Variants in DMD observed in about 807,000 individuals in gnomAD.
DMD encodes dystrophin.
Under a neutral mutation model 330.1 loss-of-function variants are expected in DMD, and 63 were observed. The observed-to-expected ratio is 0.19, with a 90% CI of 0.16 to 0.24. The LOEUF (loss-of-function observed/expected upper bound fraction) is 0.24, where lower values mean the gene tolerates loss of function less well. DMD is among the 10% of genes least tolerant of loss of function. The probability of loss-of-function intolerance (pLI) is 1.00; values close to 1 mark genes in which losing one functional copy is unlikely to be tolerated. For synonymous variants in DMD, 1,223 were observed against 959.8 expected (o/e 1.27, Z -5.07); for missense variants, 3,344 against 2,684.1 (o/e 1.25, Z -5.43).
intron 7 of DMD, among the ~76,000 whole-genome samples, chrX:32,787,247 TGAGAGAGAGAGA>T (rs1214278194): frequency 2.6e-5 from 2 of 77,570 alleles, no homozygotes; most frequent in Non-Finnish European, 5.1e-5. Context: ...TGTGTGTGTG[TGAGAGAGAGAGA>T]GAGAGAGAGA....
At chrX:33,036,314 T>C (rs899361422) in intron 1 of DMD, among the ~76,000 whole-genome samples, 1 of 111,993 alleles carries the variant, frequency 8.9e-6, no homozygotes, top group Non-Finnish European at 1.9e-5. Flanking sequence ...CTTGCATAAT[T>C]GTAATTGCAT....
At chrX:31,696,366 GA>G (rs1374455491) in intron 52 of DMD, among the ~76,000 whole-genome samples, 1 of 111,727 alleles carries the variant, frequency 9.0e-6, no homozygotes, top group African/African-American at 3.2e-5. Context: ...TTGTTGGGGG[GA>G]AAAATACAGC....
chrX:33,332,920 T>C (rs2148965714), intron 1 of DMD, among the ~76,000 whole-genome samples: 1 of 111,204 alleles, frequency 9.0e-6, no homozygotes, highest in East Asian at 2.8e-4. Context: ...AAAAAGAACA[T>C]CTTGGAAGGC....
intron 51 of DMD, among the ~76,000 whole-genome samples, chrX:31,762,283 A>C (rs2089654433): frequency 9.0e-6 from 1 of 111,487 alleles, no homozygotes; most frequent in South Asian, 3.8e-4. Context: ...ACAGGAAAAA[A>C]AGTCTTGCTG....
At chrX:31,371,057 G>A (rs1378847308) in intron 60 of DMD, among the ~76,000 whole-genome samples, 1 of 111,525 alleles carries the variant, frequency 9.0e-6, no homozygotes, top group African/African-American at 3.3e-5. Flanking sequence ...GCTATAAAAG[G>A]CCAATAGGAG....
chrX:32,291,738 T>A (rs1180273970), intron 42 of DMD, among the ~76,000 whole-genome samples: 1 of 111,822 alleles, frequency 8.9e-6, no homozygotes, highest in Admixed American at 9.5e-5. Flanking sequence ...TTGGACATGG[T>A]CATTCTGAAA....
At chrX:31,166,282 T>G (rs1416585226) in intron 74 of DMD, among the ~76,000 whole-genome samples, 3 of 111,119 alleles carry the variant, frequency 2.7e-5, no homozygotes, top group Admixed American at 1.9e-4. Context: ...CCATCCTCTG[T>G]TTTTCTAGGG....
chrX:32,846,606 G>C (rs1362628489), intron 3 of DMD, among the ~76,000 whole-genome samples: 1 of 107,650 alleles, frequency 9.3e-6, no homozygotes, highest in Non-Finnish European at 1.9e-5. Context: ...TTATGAACCA[G>C]AATCTCCATT....
At chrX:31,268,212 T>G (rs1431057390) in intron 62 of DMD, among the ~76,000 whole-genome samples, 1 of 112,071 alleles carries the variant, frequency 8.9e-6, no homozygotes, top group Non-Finnish European at 1.9e-5. Context: ...AATCCTTTTC[T>G]GCTCAACATT....
chrX:32,163,682 TTG>T, intron 44 of DMD, among the ~76,000 whole-genome samples: 1 of 111,878 alleles, frequency 8.9e-6, no homozygotes, highest in Middle Eastern at 4.7e-3. Flanking sequence ...AAGGCATAGA[TTG>T]TGTTAATATC....
At chrX:32,461,396 G>GTT (rs1464546859) in intron 25 of DMD, among the ~76,000 whole-genome samples, 1 of 111,135 alleles carries the variant, frequency 9.0e-6, no homozygotes, top group Non-Finnish European at 1.9e-5. Flanking sequence ...CATGGCCAGA[G>GTT]TGATACTTGT....
intron 30 of DMD, among the ~76,000 whole-genome samples, chrX:32,401,328 T>A (rs749211786): frequency 2.9e-5 from 3 of 101,766 alleles, no homozygotes; most frequent in Non-Finnish European, 5.9e-5. Flanking sequence ...ACTTAAAGTA[T>A]AATAATAAAA....
intron 1 of DMD, among the ~76,000 whole-genome samples, chrX:33,122,574 T>C (rs772387755): frequency 7.1e-4 from 80 of 112,380 alleles, no homozygotes; most frequent in Non-Finnish European, 1.3e-3. Flanking sequence ...CACTTTTCAT[T>C]ATGCAGACAA....
intron 60 of DMD, among the ~76,000 whole-genome samples, chrX:31,442,604 C>A (rs1112432): frequency 0.22 from 24,654 of 109,875 alleles, 3,049 homozygotes; most frequent in African/African-American, 0.45. Flanking sequence ...GGAAATCTAC[C>A]TGCCACTGTC....
chrX:32,700,043 A>AAT (rs1229769611), intron 7 of DMD, among the ~76,000 whole-genome samples: 2 of 111,629 alleles, frequency 1.8e-5, no homozygotes, highest in Non-Finnish European at 3.8e-5. Context: ...AATACTTTGT[A>AAT]ATAACACATA....
chrX:32,796,991 G>A (rs765118974), intron 7 of DMD, among the ~76,000 whole-genome samples: 2 of 112,009 alleles, frequency 1.8e-5, no homozygotes, highest in African/African-American at 3.2e-5. Flanking sequence ...GCTGTAAAAT[G>A]TCACATGCAT....
chrX:33,258,781 C>A (rs1488405346), intron 1 of DMD, among the ~76,000 whole-genome samples: 1 of 110,757 alleles, frequency 9.0e-6, no homozygotes, highest in Non-Finnish European at 1.9e-5. Flanking sequence ...GATCATCTGC[C>A]GCTGATGGTT....
chrX:32,649,940 C>T (rs2060035250), intron 9 of DMD, among the ~76,000 whole-genome samples: 1 of 111,450 alleles, frequency 9.0e-6, no homozygotes, highest in Admixed American at 9.6e-5. Context: ...ATGCTAAGCA[C>T]ATTCTAGATC....
chrX:31,816,068 A>G (rs2092617205), intron 50 of DMD, among the ~76,000 whole-genome samples: 1 of 112,466 alleles, frequency 8.9e-6, no homozygotes, highest in Admixed American at 9.4e-5. Context: ...GACCATCAGA[A>G]TAACTATCCA....
Sources: gnomAD v4.1 joint callset for allele counts (sites outside exome capture counted in the v4.1 genomes callset) on GRCh38, gnomAD v4.1.1 for gene constraint, MANE v1.5 for transcripts, NCBI Gene and HGNC (gene_info 2026-07-23, HGNC 2026-07-21) for gene names.